Variants in AHNAK observed in about 807,000 individuals in gnomAD.
The protein encoded by AHNAK is neuroblast differentiation-associated protein AHNAK.
AHNAK carries 23 observed loss-of-function variants against 37.8 expected under a neutral mutation model. The ratio of observed to expected loss-of-function variants is 0.61; its 90% CI spans 0.44 to 0.86. AHNAK has a LOEUF of 0.86. Among genes scored for constraint, AHNAK ranks in the 40% least tolerant of loss-of-function variants. The pLI, the probability that AHNAK is intolerant of heterozygous loss-of-function variation, is 0.00. For missense variants in AHNAK, 7,411 were observed against 7,319.4 expected (o/e 1.01, Z -0.46); for synonymous variants, 2,481 against 2,636.3 (o/e 0.94, Z 1.80).
chr11:62,456,884 G>A (rs1938670270), intron 5 of AHNAK, among the ~76,000 whole-genome samples: 1 of 152,140 alleles, frequency 6.6e-6, no homozygotes, highest in East Asian at 1.9e-4. Context: ...TCCTTTGTCA[G>A]CAGGAATGAG....
At chr11:62,498,900 C>T (rs1052957654) in intron 4 of AHNAK, among the ~76,000 whole-genome samples, 1 of 152,172 alleles carries the variant, frequency 6.6e-6, no homozygotes, top group Non-Finnish European at 1.5e-5. Context: ...GCTGTGATTA[C>T]TTCAACAAGG....
Position 62,525,600 on chromosome 11 carries a change from A to G in AHNAK, c.8817T>C (p.Ile2939=), listed in dbSNP as rs1413311643. 6.2e-7 allele frequency: 1 copy of G among 1,611,658 alleles called. No individual in the cohort carries two copies. Among genetic ancestry groups the G allele is most frequent in the Non-Finnish European group, 8.5e-7 (1 of 1,179,418 alleles). ...KVDVEGPDVN[I]EGPEGKLKGP... is the part of the protein sequence containing the mutation. ...CTTTCAACTTTCCCTCTGGTCCTTC[A>G]ATGTTAACATCAGGGCCTTCAACGT... Residue 2939 remains isoleucine (I), a synonymous_variant, in exon 5 of 5, where the codon ATT becomes ATC. Transcript: ENST00000378024.
chr11:62,527,754 T>C lies in AHNAK; in HGVS notation c.6663A>G (p.Arg2221=). The C allele has an allele frequency of 6.2e-7, 1 of 1,614,076 alleles. No homozygotes were observed. The highest frequency in any genetic ancestry group is 8.5e-7 in the Non-Finnish European group (1 of 1,180,008). Residue 2221 remains arginine (R), a synonymous_variant, in exon 5 of 5, where the codon AGA becomes AGG. Transcript: ENST00000378024. ...GGGCATCAATGTCCACTTTGGGCCC[T>C]CTGATGTCAACATCTGGCACTTTCA... The part of the protein sequence containing the change: ...GEMKVPDVDI[R]GPKVDIDAPD...
chr11:62,475,749 C>T (rs1029972900), intron 5 of AHNAK, among the ~76,000 whole-genome samples: 2 of 151,626 alleles, frequency 1.3e-5, no homozygotes, highest in East Asian at 1.9e-4. Flanking sequence ...GGATTACAGG[C>T]GCCCGCCATC....
chr11:62,460,795 G>A (rs1252583248), intron 5 of AHNAK, among the ~76,000 whole-genome samples: 1 of 152,022 alleles, frequency 6.6e-6, no homozygotes, highest in Non-Finnish European at 1.5e-5. Context: ...TGGCTGTCAT[G>A]TGGTAGAGTG....
chr11:62,470,750 C>G (rs1939018893), intron 5 of AHNAK, among the ~76,000 whole-genome samples: 1 of 151,978 alleles, frequency 6.6e-6, no homozygotes, highest in Non-Finnish European at 1.5e-5. Context: ...TCAATGATGA[C>G]TTCCACCAGA....
chr11:62,522,914 C>T lies in AHNAK; in HGVS notation c.11503G>A (p.Val3835Ile), dbSNP rs1386262595. Residue 3835 changes from valine to isoleucine, a missense_variant, in exon 5 of 5, where the codon GTC becomes ATC. By Grantham distance (29) the Val-to-Ile change is conservative. Coordinates refer to ENST00000378024, the MANE Select transcript of AHNAK (RefSeq NM_001620.3). ...TCAATGTCCACCTTGGGTCCTGAGA[C>T]ATCAAGGTCAGCCTTGGGCAGGTTC... Reference protein sequence around the residue: ...DVNLPKADLDVSGPKVDIDVP... With the variant: ...DVNLPKADLDISGPKVDIDVP... 1.2e-6 allele frequency: 2 copies of T among 1,613,316 alleles called. No individual in the cohort carries two copies. The highest frequency in any genetic ancestry group is 1.7e-5 in the Admixed American group (1 of 59,910).
chr11:62,513,894 A>G (rs1392830858), downstream of AHNAK, among the ~76,000 whole-genome samples: 1 of 152,026 alleles, frequency 6.6e-6, no homozygotes, highest in Non-Finnish European at 1.5e-5. Context: ...TACATGCATG[A>G]TTTCCACGGG....
At chr11:62,434,854 C>T (rs1938123601) in intron 5 of AHNAK, among the ~76,000 whole-genome samples, 1 of 150,288 alleles carries the variant, frequency 6.7e-6, no homozygotes, top group South Asian at 2.1e-4. Flanking sequence ...TCACTTGAAT[C>T]CGGGAGGCAG....
intron 5 of AHNAK, among the ~76,000 whole-genome samples, chr11:62,471,574 A>G (rs573937325): frequency 1.3e-5 from 2 of 152,242 alleles, no homozygotes; most frequent in Non-Finnish European, 2.9e-5. Flanking sequence ...TTGTGGCATC[A>G]TGTCAGCACT....
At chr11:62,469,825 G>C (rs1800563752) in intron 5 of AHNAK, among the ~76,000 whole-genome samples, 1 of 152,192 alleles carries the variant, frequency 6.6e-6, no homozygotes, top group Admixed American at 6.6e-5. Flanking sequence ...ACCAGGGGGA[G>C]AGGTGTCAGA....
At position 62,528,521 on chromosome 11, in the gene AHNAK, C is replaced by G; in HGVS notation, c.5896G>C (p.Glu1966Gln). ...VGVEVPDVEL[E>Q]CPDAKLKGPK... ...CCTTTCAACTTTGCATCAGGACACT[C>G]CAGCTCAACATCAGGCACCTCCACA... Residue 1966 changes from glutamate to glutamine, a missense_variant, in exon 5 of 5, where the codon GAG becomes CAG. Physicochemically the swap from Glu to Gln is conservative, Grantham distance 29. Transcript: ENST00000378024. The G allele has an allele frequency of 1.2e-6, 2 of 1,611,892 alleles. No individual in the cohort carries two copies. The highest frequency in any genetic ancestry group is 1.7e-6 in the Non-Finnish European group (2 of 1,179,710).
At chr11:62,486,670 C>T (rs1289189484) in intron 5 of AHNAK, among the ~76,000 whole-genome samples, 1 of 151,676 alleles carries the variant, frequency 6.6e-6, no homozygotes, top group African/African-American at 2.4e-5. Flanking sequence ...ATGGTTCCAC[C>T]GTAATGTAGA....
At position 62,524,920 on chromosome 11, in the gene AHNAK, T is replaced by C; in HGVS notation, c.9497A>G (p.Glu3166Gly). ...PKISMPGFKG[E>G]GPEVDVNLPK... is the part of the protein sequence containing the mutation. ...CAGGTTCACGTCCACTTCTGGACCT[T>C]CTCCTTTGAAGCCAGGCATGCTGAT... The change falls in exon 5 of 5, where the codon GAA (glutamate) becomes GGA (glycine). Residue 3166 changes from glutamate (E) to glycine (G), a missense_variant. Glu to Gly is a moderately conservative substitution (Grantham distance 98). Transcript: ENST00000378024. 1 of 1,613,950 alleles carries C rather than the reference T, an allele frequency of 6.2e-7. No homozygotes were observed. Among genetic ancestry groups the C allele is most frequent in the Non-Finnish European group, 8.5e-7 (1 of 1,179,972 alleles).
Position 62,448,269 on chromosome 11 carries a change from G to A in AHNAK, c.443-14378C>T, listed in dbSNP as rs186173467. Among the ~76,000 whole-genome samples, 7 of 152,274 alleles carry A rather than the reference G, an allele frequency of 4.6e-5. No homozygotes were observed. In the East Asian group the frequency reaches 1.3e-3, roughly 29 times the overall value. On this transcript the variant is annotated intron_variant, in intron 5 of 5. Coordinates refer to the AHNAK transcript ENST00000257247. ...GGTGGTTGTTATGCTGAGTGTGGCT[G>A]GAAGTCATCGGATATGAGGATTCAC...
chr11:62,473,636 G>C lies in AHNAK; in HGVS notation c.442+18096C>G, dbSNP rs139865853. ...GGAGGCAGAGCTTGCAGTGAGCCAA[G>C]TTTGTGTCACTGCACTCCAGCCTGG... On this transcript the variant is annotated intron_variant, in intron 5 of 5. Transcript: ENST00000257247. Among the ~76,000 whole-genome samples, 642 of 151,418 alleles carry C rather than the reference G, an allele frequency of 4.2e-3. 6 individuals carry two copies. The highest frequency in any genetic ancestry group is 0.015 in the African/African-American group (611 of 41,290).
chr11:62,454,572 C>G (rs1346515810), intron 5 of AHNAK, among the ~76,000 whole-genome samples: 1 of 152,106 alleles, frequency 6.6e-6, no homozygotes, highest in East Asian at 1.9e-4. Context: ...GACCCTCATT[C>G]CAGCAATATT....
rs761523003 is a variant in AHNAK, at chr11:62,533,285, G to T, written c.1132C>A (p.Pro378Thr). The T allele has an allele frequency of 1.3e-6, 2 of 1,529,358 alleles. No individual in the cohort carries two copies. The highest frequency in any genetic ancestry group is 1.8e-6 in the Non-Finnish European group (2 of 1,142,694). The allele number at this position is 1,529,358 out of a possible 1,614,324, so 94.7% of individuals were successfully genotyped here. A position where few individuals can be genotyped will look rare whatever the true frequency, so the allele number is the denominator to read the frequency against. The change falls in exon 5 of 5, where the codon CCA becomes ACA. Residue 378 changes from proline (P) to threonine (T), a missense_variant. Physicochemically the swap from Pro to Thr is conservative, Grantham distance 38. Coordinates refer to ENST00000378024, the MANE Select transcript of AHNAK (RefSeq NM_001620.3). The part of the protein sequence containing the change: ...GKLKGPQITG[P>T]SLEGDLGLKG... ...AGGCCTAGGTCACCCTCAAGTGATG[G>T]CCCAGTGATTTGGGGGCCCTTCAGC...
At chr11:62,501,716 C>G (rs973550131) in intron 4 of AHNAK, among the ~76,000 whole-genome samples, 1 of 152,246 alleles carries the variant, frequency 6.6e-6, no homozygotes, top group Non-Finnish European at 1.5e-5. Flanking sequence ...TGCTGCCCAG[C>G]AAATACACAG....
Sources: gnomAD v4.1 joint callset for allele counts (sites outside exome capture counted in the v4.1 genomes callset) on GRCh38, gnomAD v4.1.1 for gene constraint, MANE v1.5 for transcripts, NCBI Gene and HGNC (gene_info 2026-07-23, HGNC 2026-07-21) for gene names.